Variants in DPYD observed in about 807,000 individuals in gnomAD.
DPYD encodes the protein dihydropyrimidine dehydrogenase [NADP(+)].
DPYD carries 109 observed loss-of-function variants against 116.2 expected under a neutral mutation model. That is an observed-to-expected ratio of 0.94 (90% confidence interval 0.80 to 1.10). The LOEUF (loss-of-function observed/expected upper bound fraction) is 1.10, where lower values mean the gene tolerates loss of function less well. Ranked by LOEUF, DPYD falls within the 50% of genes least tolerant of loss-of-function variation. The pLI, the probability that DPYD is intolerant of heterozygous loss-of-function variation, is 0.00. For missense variants in DPYD, 1,302 were observed against 1,254.5 expected (o/e 1.04, Z -0.57); for synonymous variants, 440 against 432.0 (o/e 1.02, Z -0.23).
At chr1:97,353,836 G>C (rs1670276176) in intron 16 of DPYD, among the ~76,000 whole-genome samples, 1 of 152,042 alleles carries the variant, frequency 6.6e-6, no homozygotes, top group Non-Finnish European at 1.5e-5. Flanking sequence ...GCATCATCAA[G>C]ATATCTATCA....
intron 16 of DPYD, among the ~76,000 whole-genome samples, chr1:97,314,045 A>C (rs1039736387): frequency 6.6e-6 from 1 of 151,994 alleles, no homozygotes; most frequent in Non-Finnish European, 1.5e-5. Context: ...ACAGGATATT[A>C]GCAGCTCTTG....
At chr1:97,286,465 C>T (rs907986180) in intron 18 of DPYD, among the ~76,000 whole-genome samples, 2 of 151,888 alleles carry the variant, frequency 1.3e-5, no homozygotes, top group Non-Finnish European at 2.9e-5. Flanking sequence ...GAATGTTGGC[C>T]TGCCTTGCTA....
intron 19 of DPYD, among the ~76,000 whole-genome samples, chr1:97,227,301 C>A (rs1197877128): frequency 7.6e-6 from 1 of 130,916 alleles, no homozygotes; most frequent in Admixed American, 8.5e-5. Flanking sequence ...CCACTGCGCT[C>A]CAGCCTGGCA....
At chr1:97,676,223 C>T (rs1468897328) in intron 8 of DPYD, among the ~76,000 whole-genome samples, 1 of 152,176 alleles carries the variant, frequency 6.6e-6, no homozygotes, top group Admixed American at 6.5e-5. Flanking sequence ...CATCCCCTTT[C>T]CCTATGATTC....
chr1:97,913,210 G>T (rs779960883), intron 1 of DPYD, among the ~76,000 whole-genome samples: 1 of 152,064 alleles, frequency 6.6e-6, no homozygotes, highest in Non-Finnish European at 1.5e-5. Flanking sequence ...AAAAAGAAAA[G>T]GCAGCAAGCA....
At chr1:97,823,548 G>C (rs921648785) in intron 3 of DPYD, among the ~76,000 whole-genome samples, 3 of 152,144 alleles carry the variant, frequency 2.0e-5, no homozygotes, top group Non-Finnish European at 2.9e-5. Context: ...ACTTCTATGA[G>C]ATGAACGTCT....
At position 97,897,236 on chromosome 1, in the gene DPYD, A is replaced by G. The variant is rs191766946; in HGVS notation, c.40-13862T>C. Reference sequence around the variant, plus strand: ...ATACTTTAAATGTCTTCTCACTTGCATTATTTCCAACAATAAATCTGCTAT... The same window carrying G: ...ATACTTTAAATGTCTTCTCACTTGCGTTATTTCCAACAATAAATCTGCTAT... On this transcript the variant is annotated intron_variant, in intron 1 of 22. Coordinates refer to ENST00000370192, the MANE Select transcript of DPYD (RefSeq NM_000110.4). 1.2e-3 allele frequency among the ~76,000 whole-genome samples: 183 copies of G among 151,994 alleles called. No homozygotes were observed. The Middle Eastern group carries it at 0.024, about 20-fold the overall frequency.
chr1:97,401,159 G>A (rs931468677), intron 14 of DPYD, among the ~76,000 whole-genome samples: 2 of 152,040 alleles, frequency 1.3e-5, no homozygotes, highest in African/African-American at 4.8e-5. Flanking sequence ...TTAAAATCTG[G>A]TTCGTTGTTT....
intron 3 of DPYD, among the ~76,000 whole-genome samples, chr1:97,818,449 C>A (rs1277176396): frequency 6.6e-6 from 1 of 151,872 alleles, no homozygotes; most frequent in Non-Finnish European, 1.5e-5. Flanking sequence ...CCTTTGAATT[C>A]TAATTCAAGT....
At chr1:97,414,935 A>C (rs1404062779) in intron 14 of DPYD, among the ~76,000 whole-genome samples, 1 of 152,206 alleles carries the variant, frequency 6.6e-6, no homozygotes, top group Non-Finnish European at 1.5e-5. Flanking sequence ...TCATTAGACT[A>C]TCTCATTCTT....
intron 19 of DPYD, among the ~76,000 whole-genome samples, chr1:97,223,361 C>T (rs531722270): frequency 1.3e-5 from 2 of 150,640 alleles, no homozygotes; most frequent in Admixed American, 6.7e-5. Flanking sequence ...ACTTTAGTGA[C>T]AAACCCACGC....
chr1:97,422,194 A>G (rs1017484123), intron 14 of DPYD, among the ~76,000 whole-genome samples: 5 of 152,184 alleles, frequency 3.3e-5, no homozygotes, highest in African/African-American at 1.2e-4. Flanking sequence ...TAAAATATTA[A>G]TATAGGTAGC....
chr1:97,905,311 T>C (rs1673555330), intron 1 of DPYD, among the ~76,000 whole-genome samples: 1 of 152,026 alleles, frequency 6.6e-6, no homozygotes, highest in Non-Finnish European at 1.5e-5. Context: ...CTTGTCATTA[T>C]ATTTTTTCAG....
chr1:97,514,542 A>C (rs374091416), intron 13 of DPYD, among the ~76,000 whole-genome samples: 1 of 151,912 alleles, frequency 6.6e-6, no homozygotes, highest in South Asian at 2.1e-4. Flanking sequence ...CAAATATACT[A>C]TCAATATTCT....
rs1356428016 is a variant in DPYD, at chr1:97,323,787, T to C, written c.2059-17490A>G. Among the ~76,000 whole-genome samples, 3 of 150,558 alleles carry C rather than the reference T, an allele frequency of 2.0e-5. No individual in the cohort carries two copies. In the East Asian group the frequency reaches 5.9e-4, roughly 29 times the overall value. ...CACAGAGAACAACACTCAGTACAAA[T>C]AGCGTTCTTTATATTTTGGCTGTCT... On this transcript the variant is annotated intron_variant, in intron 16 of 22. Coordinates refer to ENST00000370192, the MANE Select transcript of DPYD (RefSeq NM_000110.4).
rs1650850286 is a variant in DPYD, at chr1:97,546,266, G to T, written c.1524+3294C>A. On this transcript the variant is annotated intron_variant, in intron 12 of 22. Coordinates refer to ENST00000370192, the MANE Select transcript of DPYD (RefSeq NM_000110.4). ...AGAAAACTGCTAAATCAAAAAAAAA[G>T]AAACCTTTAAAAAAAAAAACCTGCA... The T allele has an allele frequency of 1.0e-5, 15 of 1,458,308 alleles. No individual in the cohort carries two copies. The African/African-American group carries it at 1.1e-4, about 11-fold the overall frequency. 90.3% of individuals were successfully genotyped at this position (1,458,308 alleles called of 1,614,324 possible). A position where few individuals can be genotyped will look rare whatever the true frequency, so the allele number is the denominator to read the frequency against.
chr1:97,731,859 T>A (rs1663631324), intron 4 of DPYD, among the ~76,000 whole-genome samples: 1 of 151,914 alleles, frequency 6.6e-6, no homozygotes, highest in African/African-American at 2.4e-5. Context: ...CAATTTAATT[T>A]ATATATATTT....
intron 20 of DPYD, 23 bp downstream of exon 20, chr1:97,193,046 A>G (rs1348632576): frequency 1.2e-6 from 2 of 1,613,382 alleles, no homozygotes; most frequent in East Asian, 4.5e-5. Flanking sequence ...CTCAAGAATA[A>G]CACAGGAGAT....
At chr1:97,261,290 T>A (rs1663856409) in intron 18 of DPYD, among the ~76,000 whole-genome samples, 1 of 152,010 alleles carries the variant, frequency 6.6e-6, no homozygotes, top group East Asian at 1.9e-4. Flanking sequence ...CTGGGCACTG[T>A]GATGGACACC....
Sources: allele counts gnomAD v4.1 joint callset (sites outside exome capture counted in the v4.1 genomes callset), GRCh38; gene constraint gnomAD v4.1.1; transcripts MANE v1.5; gene names NCBI Gene and HGNC (gene_info 2026-07-23, HGNC 2026-07-21).